ADAMTSL3: variants seen among roughly 807,000 people sequenced by gnomAD.
The protein encoded by ADAMTSL3 is ADAMTS like 3, also known as ADAMTS-like protein 3.
ADAMTSL3 carries 128 observed loss-of-function variants against 201.7 expected under a neutral mutation model. The observed-to-expected ratio is 0.63, with a 90% CI of 0.55 to 0.73. ADAMTSL3 has a LOEUF of 0.73. Among genes scored for constraint, ADAMTSL3 ranks in the 30% least tolerant of loss-of-function variants. The pLI is 0.00. For missense variants in ADAMTSL3, 1,990 were observed against 2,119.6 expected (o/e 0.94, Z 1.20); for synonymous variants, 738 against 748.4 (o/e 0.99, Z 0.23).
At chr15:83,923,802 A>AG (rs2066192133) in intron 16 of ADAMTSL3, 102 bp from the exon 17 acceptor site, 1 of 1,381,430 alleles carries the variant, frequency 7.2e-7, no homozygotes, top group African/African-American at 1.4e-5. Context: ...GATAGTCAAA[A>AG]GGGCAGTATG....
At chr15:83,859,843 C>T (rs1010446437) in intron 8 of ADAMTSL3, among the ~76,000 whole-genome samples, 1 of 152,128 alleles carries the variant, frequency 6.6e-6, no homozygotes, top group African/African-American at 2.4e-5. Flanking sequence ...AGAATAAAAA[C>T]CAAATTTTAT....
chr15:83,945,801 T>G (rs1177318119), intron 19 of ADAMTSL3: 1 of 152,192 alleles, frequency 6.6e-6, no homozygotes, highest in Non-Finnish European at 1.5e-5. Flanking sequence ...GAATCTCAAG[T>G]CCCACCCAGA....
intron 19 of ADAMTSL3, among the ~76,000 whole-genome samples, chr15:83,955,891 G>A (rs138484245): frequency 2.3e-3 from 353 of 152,234 alleles, no homozygotes; most frequent in Non-Finnish European, 4.1e-3. Context: ...GGTTGAGGGA[G>A]GGGTAGTGCA....
At chr15:83,986,544 A>T (rs1189979498) in intron 21 of ADAMTSL3, among the ~76,000 whole-genome samples, 1 of 152,196 alleles carries the variant, frequency 6.6e-6, no homozygotes, top group Non-Finnish European at 1.5e-5. Context: ...AGATAATAAG[A>T]TCCATTTTCA....
At chr15:83,803,502 A>C (rs960807282) in intron 4 of ADAMTSL3, among the ~76,000 whole-genome samples, 2 of 152,184 alleles carry the variant, frequency 1.3e-5, no homozygotes, top group African/African-American at 4.8e-5. Context: ...CCTGGCTCCA[A>C]ATTTGCCATT....
chr15:84,034,258 G>T (rs2068461239), intron 28 of ADAMTSL3, among the ~76,000 whole-genome samples: 1 of 152,158 alleles, frequency 6.6e-6, no homozygotes. Flanking sequence ...GGTAGGTGAG[G>T]TGTTAGATCT....
chr15:83,821,077 GAAAA>G lies in ADAMTSL3; in HGVS notation c.600+1038_600+1041del, dbSNP rs769533674. Among the ~76,000 whole-genome samples, 1,067 of 144,898 alleles carry G rather than the reference GAAAA, an allele frequency of 7.4e-3. 12 individuals are homozygous for G. The highest frequency in any genetic ancestry group is 0.024 in the African/African-American group (967 of 39,522). ...TGACAGAGCGAGACTGTCTCAAAAAGAAAAAAAAAAATTAAAAAGACACTATGAC... is the reference window on the plus strand; with the variant it reads ...TGACAGAGCGAGACTGTCTCAAAAAGAAAAAAATTAAAAAGACACTATGAC... On this transcript the variant is annotated intron_variant, in intron 6 of 29. Coordinates refer to ENST00000286744, the MANE Select transcript of ADAMTSL3 (RefSeq NM_207517.3).
chr15:84,035,521 A>G lies in ADAMTSL3; in HGVS notation c.4755-1252A>G, dbSNP rs1259897922. On this transcript the variant is annotated intron_variant, in intron 28 of 29. Transcript: ENST00000286744. Reference sequence around the variant, plus strand: ...AGCTAACAGGACACCCACCTCTTCCATATATCGTATGAACAGTTTGGTAGG... The same window carrying G: ...AGCTAACAGGACACCCACCTCTTCCGTATATCGTATGAACAGTTTGGTAGG... Among the ~76,000 whole-genome samples the G allele has an allele frequency of 4.6e-5, 7 of 152,236 alleles. No homozygotes were observed. The East Asian group carries it at 1.4e-3, about 29-fold the overall frequency.
intron 3 of ADAMTSL3, among the ~76,000 whole-genome samples, chr15:83,719,603 A>G (rs2062069583): frequency 6.6e-6 from 1 of 152,196 alleles, no homozygotes; most frequent in African/African-American, 2.4e-5. Flanking sequence ...GATGTTTTGT[A>G]TAGTGGGAGT....
At chr15:83,689,772 A>G (rs2061587408) in intron 2 of ADAMTSL3, among the ~76,000 whole-genome samples, 1 of 152,192 alleles carries the variant, frequency 6.6e-6, no homozygotes, top group Admixed American at 6.5e-5. Context: ...TAATAAACTC[A>G]TAAGATGAAT....
In ADAMTSL3 at chr15:83,654,441, CT is replaced by C. The variant is rs1000276207; in HGVS notation, c.-34+166del. On this transcript the variant is annotated intron_variant, in intron 1 of 29. Coordinates refer to ENST00000286744, the MANE Select transcript of ADAMTSL3 (RefSeq NM_207517.3). This position sits in a 1 kb window ranked among gnomAD's most constrained non-coding sequence, Gnocchi z 5.3. Reference sequence around the variant, plus strand: ...CCCAGGGGGCCTCAGGACTGGGGTGCTCCTCACTGCTGGGCACCTCGGGTCG... The same window carrying C: ...CCCAGGGGGCCTCAGGACTGGGGTGCCCTCACTGCTGGGCACCTCGGGTCG... Among the ~76,000 whole-genome samples, 2 of 152,058 alleles carry C rather than the reference CT, an allele frequency of 1.3e-5. No homozygotes were observed. The highest frequency in any genetic ancestry group is 2.4e-5 in the African/African-American group (1 of 41,428).
intron 3 of ADAMTSL3, among the ~76,000 whole-genome samples, chr15:83,727,901 A>C (rs2062204843): frequency 6.6e-6 from 1 of 152,042 alleles, no homozygotes; most frequent in East Asian, 1.9e-4. Flanking sequence ...AGTGCAGATT[A>C]AGTCCAGTGT....
chr15:83,889,916 A>G (rs1433249152), intron 10 of ADAMTSL3, among the ~76,000 whole-genome samples, 193 bp from the exon 11 acceptor site: 1 of 152,134 alleles, frequency 6.6e-6, no homozygotes, highest in Non-Finnish European at 1.5e-5. Context: ...TTCTGACTTA[A>G]TTGGACCATG....
intron 4 of ADAMTSL3, among the ~76,000 whole-genome samples, chr15:83,777,254 TG>T (rs1367555536): frequency 3.3e-5 from 5 of 152,216 alleles, no homozygotes; most frequent in Admixed American, 6.5e-5. Context: ...CCCCGGCACC[TG>T]GTAGCACTCC....
At position 83,913,207 on chromosome 15, in the gene ADAMTSL3, G is replaced by A. The variant is rs372094918; in HGVS notation, c.1816G>A (p.Glu606Lys). The change falls in exon 16 of 30, where the codon GAG becomes AAG. Residue 606 changes from glutamate (E) to lysine (K), a missense_variant. Physicochemically the swap from Glu to Lys is moderately conservative, Grantham distance 56. Coordinates refer to ENST00000286744, the MANE Select transcript of ADAMTSL3 (RefSeq NM_207517.3). ...TFTQTETELP[E>K]EECEGPKLPT... is the part of the protein sequence containing the mutation. ...CACGCAGACTGAGACTGAGCTGCCC[G>A]AGGAAGAGTGTGAAGGCCCCAAGCT... is the stretch of plus-strand genomic sequence containing the variant. 6.8e-6 allele frequency: 11 copies of A among 1,614,022 alleles called. No individual in the cohort carries two copies. The highest frequency in any genetic ancestry group is 4.5e-5 in the East Asian group (2 of 44,882).
chr15:83,756,722 C>T (rs561886930), intron 3 of ADAMTSL3, among the ~76,000 whole-genome samples: 1 of 152,008 alleles, frequency 6.6e-6, no homozygotes, highest in African/African-American at 2.4e-5. Context: ...TTATCTGAGA[C>T]AAGGCAAGTC....
At chr15:83,904,577 T>C (rs958943095) in intron 15 of ADAMTSL3, among the ~76,000 whole-genome samples, 5 of 152,218 alleles carry the variant, frequency 3.3e-5, no homozygotes, top group Non-Finnish European at 5.9e-5. Flanking sequence ...TTTGCTTTTT[T>C]TAAAATTAGG....
chr15:83,821,340 T>TA (rs1247027024), intron 6 of ADAMTSL3, among the ~76,000 whole-genome samples: 5 of 150,448 alleles, frequency 3.3e-5, no homozygotes, highest in Non-Finnish European at 5.9e-5. Context: ...GGTCAGCAGA[T>TA]AAACAAGTGA....
intron 27 of ADAMTSL3, among the ~76,000 whole-genome samples, chr15:84,025,942 AT>A (rs1444443525): frequency 6.6e-6 from 1 of 152,242 alleles, no homozygotes; most frequent in Non-Finnish European, 1.5e-5. Context: ...TACTACGAAG[AT>A]GTCGATTTCC....
Sources: gnomAD v4.1 joint callset for allele counts (sites outside exome capture counted in the v4.1 genomes callset) on GRCh38, gnomAD v4.1.1 for gene constraint, Gnocchi (gnomAD v3.1) non-coding constraint, MANE v1.5 for transcripts, NCBI Gene and HGNC (gene_info 2026-07-23, HGNC 2026-07-21) for gene names.